WDR7: variants seen among roughly 807,000 people sequenced by gnomAD.
WDR7 encodes WD repeat-containing protein 7.
Under a neutral mutation model 169.4 loss-of-function variants are expected in WDR7, and 46 were observed. The ratio of observed to expected loss-of-function variants is 0.27; its 90% CI spans 0.21 to 0.35. The LOEUF is 0.35. WDR7 is among the 10% of genes least tolerant of loss of function. The probability of loss-of-function intolerance (pLI) is 1.00; values close to 1 mark genes in which losing one functional copy is unlikely to be tolerated. For missense variants in WDR7, 1,534 were observed against 1,859.3 expected (o/e 0.83, Z 3.22); for synonymous variants, 612 against 666.8 (o/e 0.92, Z 1.27).
At chr18:56,727,411 G>A (rs959376589) in intron 13 of WDR7, among the ~76,000 whole-genome samples, 1 of 152,038 alleles carries the variant, frequency 6.6e-6, no homozygotes, top group African/African-American at 2.4e-5. Context: ...AAATACCTGA[G>A]AGTGGCTAAT....
chr18:56,794,557 C>T (rs775480177), intron 19 of WDR7, among the ~76,000 whole-genome samples: 2 of 151,878 alleles, frequency 1.3e-5, no homozygotes, highest in African/African-American at 4.8e-5. Flanking sequence ...GATCTGCCTG[C>T]CTCGGCCTCC....
At chr18:56,815,965 C>T in intron 19 of WDR7, 66 bp from the exon 20 acceptor site, 1 of 1,345,036 alleles carries the variant, frequency 7.4e-7, no homozygotes, top group Non-Finnish European at 1.0e-6. Context: ...TAAAAATCTT[C>T]AAACTTTCTG....
In WDR7 at chr18:56,746,892, C is replaced by T. The variant is rs577735680; in HGVS notation, c.1990-9691C>T. ...AGATGCTATTAGCACCCTTCCAAGT[C>T]GTCACTAGCAAAGTGTCTCCAGACA... On this transcript the variant is annotated intron_variant, in intron 14 of 27. Transcript: ENST00000254442. 1.4e-4 allele frequency among the ~76,000 whole-genome samples: 22 copies of T among 152,204 alleles called. 1 individual carries two copies. The highest frequency in any genetic ancestry group is 7.8e-4 in the Admixed American group (12 of 15,298).
At chr18:56,875,188 G>A (rs2046006716) in intron 20 of WDR7, among the ~76,000 whole-genome samples, 1 of 152,082 alleles carries the variant, frequency 6.6e-6, no homozygotes, top group Non-Finnish European at 1.5e-5. Flanking sequence ...GTTTTGTTCT[G>A]TTTTGTTTTC....
At chr18:56,790,208 G>A (rs1312660125) in intron 19 of WDR7, among the ~76,000 whole-genome samples, 3 of 152,138 alleles carry the variant, frequency 2.0e-5, no homozygotes, top group Non-Finnish European at 2.9e-5. Flanking sequence ...TGGTATTCCA[G>A]TACAGATACT....
chr18:56,820,350 A>AAC (rs2045069897), intron 20 of WDR7, among the ~76,000 whole-genome samples: 1 of 145,416 alleles, frequency 6.9e-6, no homozygotes, highest in Non-Finnish European at 1.5e-5. Context: ...AAAAAAAAAA[A>AAC]AAAAAAAAAA....
chr18:56,780,105 AG>A (rs1204485979), intron 18 of WDR7, among the ~76,000 whole-genome samples: 26 of 152,210 alleles, frequency 1.7e-4, no homozygotes, highest in Admixed American at 1.2e-3. Flanking sequence ...GATTGCCGTC[AG>A]GATCAAATCA....
At chr18:56,681,686 T>C (rs1306057978) in intron 4 of WDR7, among the ~76,000 whole-genome samples, 2 of 152,230 alleles carry the variant, frequency 1.3e-5, no homozygotes, top group Non-Finnish European at 2.9e-5. Flanking sequence ...CTTGGGAAAA[T>C]GCTCTAGGTC....
chr18:56,660,891 C>T (rs1294325330), intron 1 of WDR7, among the ~76,000 whole-genome samples: 1 of 152,116 alleles, frequency 6.6e-6, no homozygotes, highest in Non-Finnish European at 1.5e-5. Context: ...GTTTTTGTGA[C>T]AGGCAGAGCA....
intron 21 of WDR7, among the ~76,000 whole-genome samples, chr18:56,884,906 C>T (rs2046165160): frequency 6.6e-6 from 1 of 152,244 alleles, no homozygotes; most frequent in East Asian, 1.9e-4. Context: ...CTGGCCACCT[C>T]CACTGGAGTG....
At chr18:56,993,258 T>A (rs1269565337) in intron 26 of WDR7, among the ~76,000 whole-genome samples, 1 of 152,224 alleles carries the variant, frequency 6.6e-6, no homozygotes, top group Non-Finnish European at 1.5e-5. Flanking sequence ...ATAGCAAGAA[T>A]TTGGAATTGA....
At chr18:56,971,720 A>G (rs970998450) in intron 26 of WDR7, among the ~76,000 whole-genome samples, 1 of 152,170 alleles carries the variant, frequency 6.6e-6, no homozygotes, top group African/African-American at 2.4e-5. Context: ...GGCAAGGGAC[A>G]TTATTCCAGG....
rs150700087 is a variant in WDR7 at position 56,651,375 on chromosome 18, T to TGGC, written c.-208_-206dup. 1.7e-4 allele frequency: 26 copies of TGGC among 153,158 alleles called. No individual in the cohort carries two copies. The highest frequency in any genetic ancestry group is 2.9e-4 in the Non-Finnish European group (20 of 68,988). 9.5% of individuals were successfully genotyped at this position (153,158 alleles called of 1,614,324 possible). On this transcript the variant is annotated 5_prime_UTR_variant, in exon 1 of 28. Transcript: ENST00000254442. The stretch of plus-strand genomic sequence containing the variant: ...GCTGGTGTCAGCTGATTTACTGCAG[T>TGGC]GGCGGCGGCGGCGGCACCGGCACCT...
intron 20 of WDR7, among the ~76,000 whole-genome samples, chr18:56,862,767 A>G (rs2045826349): frequency 1.3e-5 from 2 of 151,884 alleles, no homozygotes; most frequent in East Asian, 3.8e-4. Context: ...TTATTTTAGC[A>G]TAAGACTTGG....
chr18:56,907,934 C>T (rs1018874008), intron 21 of WDR7, among the ~76,000 whole-genome samples: 5 of 152,132 alleles, frequency 3.3e-5, no homozygotes, highest in Non-Finnish European at 7.4e-5. Context: ...GCTGTATATG[C>T]GGATGTGGTA....
rs58110613 is a variant in WDR7, at chr18:56,744,245, G to GA, written c.1990-12314dup. Among the ~76,000 whole-genome samples the GA allele has an allele frequency of 3.3e-3, 290 of 86,856 alleles. 3 individuals are homozygous for GA. Among genetic ancestry groups the GA allele is most frequent in the East Asian group, 0.021 (43 of 2,076 alleles). The allele number at this position is 86,856 out of a possible 152,430, so 57.0% of individuals were successfully genotyped here. Reference sequence around the variant, plus strand: ...CAGAGCGAGACTCCGTCTCAAAAAAGAAAAAAAAAAAAAAAAAAAAAAAAG... The same window carrying GA: ...CAGAGCGAGACTCCGTCTCAAAAAAGAAAAAAAAAAAAAAAAAAAAAAAAAG... On this transcript the variant is annotated intron_variant, in intron 14 of 27. Coordinates refer to ENST00000254442, the MANE Select transcript of WDR7 (RefSeq NM_015285.3).
chr18:56,741,397 G>T (rs1393731570), intron 14 of WDR7, among the ~76,000 whole-genome samples: 1 of 152,070 alleles, frequency 6.6e-6, no homozygotes, highest in Non-Finnish European at 1.5e-5. Context: ...CTCTGCCTCT[G>T]CCACTCTTCT....
At chr18:56,669,658 A>G (rs2144507262) in intron 1 of WDR7, among the ~76,000 whole-genome samples, 1 of 152,194 alleles carries the variant, frequency 6.6e-6, no homozygotes, top group South Asian at 2.1e-4. Context: ...TATATTATAT[A>G]TATAATATTT....
intron 21 of WDR7, among the ~76,000 whole-genome samples, chr18:56,880,713 C>T (rs2046094383): frequency 6.6e-6 from 1 of 152,096 alleles, no homozygotes; most frequent in Non-Finnish European, 1.5e-5. Flanking sequence ...TGAATTAACC[C>T]TGTAATTTAA....
Sources: allele counts gnomAD v4.1 joint callset (sites outside exome capture counted in the v4.1 genomes callset), GRCh38; gene constraint gnomAD v4.1.1; transcripts MANE v1.5; gene names NCBI Gene and HGNC (gene_info 2026-07-23, HGNC 2026-07-21).